Variants in VWC2L observed in about 807,000 individuals in gnomAD.
VWC2L encodes von Willebrand factor C domain containing 2 like.
A neutral mutation model predicts 21.6 loss-of-function variants in VWC2L; 10 were observed. The ratio of observed to expected loss-of-function variants is 0.46; its 90% CI spans 0.29 to 0.78. The LOEUF is 0.78. VWC2L is among the 30% of genes least tolerant of loss of function. VWC2L has a pLI of 0.10. For synonymous variants in VWC2L, 96 were observed against 94.3 expected, an observed-to-expected ratio of 1.02 and a Z score of -0.10; for missense variants, 209 against 277.1, an observed-to-expected ratio of 0.75 and a Z score of 1.74.
At chr2:214,487,944 G>C (rs1327831805) in intron 3 of VWC2L, among the ~76,000 whole-genome samples, 2 of 152,174 alleles carry the variant, frequency 1.3e-5, no homozygotes, top group Non-Finnish European at 2.9e-5. Context: ...AGGTTGATCA[G>C]CTTGCAACAA....
intron 3 of VWC2L, among the ~76,000 whole-genome samples, chr2:214,554,899 C>T (rs1443055540): frequency 6.6e-6 from 1 of 152,154 alleles, no homozygotes; most frequent in African/African-American, 2.4e-5. Context: ...TGCAAAATTG[C>T]CTCTTGTGGG....
At chr2:214,461,140 G>C (rs1703134540) in intron 3 of VWC2L, among the ~76,000 whole-genome samples, 1 of 152,224 alleles carries the variant, frequency 6.6e-6, no homozygotes, top group African/African-American at 2.4e-5. Context: ...TCAGGCCCCA[G>C]TCGTGGCAGC....
chr2:214,533,113 G>A (rs911997919), intron 3 of VWC2L, among the ~76,000 whole-genome samples: 8 of 151,852 alleles, frequency 5.3e-5, no homozygotes, highest in East Asian at 1.9e-4. Flanking sequence ...TATCTGATTC[G>A]TGGCTCTGCT....
At position 214,575,916 on chromosome 2, in the gene VWC2L, C is replaced by A; in HGVS notation, c.*96C>A. ...CAAAACAAAACAAACAAACTCCTGC[C>A]AGCTACAACAGGGTCACCAGCAAAA... On this transcript the variant is annotated 3_prime_UTR_variant, in exon 4 of 4. Coordinates refer to ENST00000312504, the MANE Select transcript of VWC2L (RefSeq NM_001080500.4). The A allele has an allele frequency of 7.2e-7, 1 of 1,395,124 alleles. No homozygotes were observed. Among genetic ancestry groups the A allele is most frequent in the Non-Finnish European group, 9.7e-7 (1 of 1,034,604 alleles). 86.4% of individuals were successfully genotyped at this position (1,395,124 alleles called of 1,614,324 possible).
chr2:214,442,648 T>C (rs1702777497), intron 3 of VWC2L, among the ~76,000 whole-genome samples: 1 of 151,930 alleles, frequency 6.6e-6, no homozygotes, highest in African/African-American at 2.4e-5. Context: ...TACAAATCTA[T>C]ATTTATAATT....
chr2:214,530,931 T>A (rs1689423659), intron 3 of VWC2L, among the ~76,000 whole-genome samples: 1 of 152,216 alleles, frequency 6.6e-6, no homozygotes, highest in Admixed American at 6.5e-5. Context: ...GCAATCGTGT[T>A]AGGATGAATA....
intron 3 of VWC2L, among the ~76,000 whole-genome samples, chr2:214,478,307 C>T (rs989558178): frequency 6.6e-5 from 10 of 151,988 alleles, no homozygotes; most frequent in East Asian, 1.9e-4. Flanking sequence ...GGTGAAACCC[C>T]GTCTCTATTA....
intron 3 of VWC2L, among the ~76,000 whole-genome samples, chr2:214,490,792 A>G (rs940566384): frequency 2.0e-5 from 3 of 152,214 alleles, no homozygotes; most frequent in Non-Finnish European, 4.4e-5. Context: ...TCAAGCTCTC[A>G]ATTGCTGCAT....
At chr2:214,516,868 C>G (rs1037206318) in intron 3 of VWC2L, among the ~76,000 whole-genome samples, 1 of 152,036 alleles carries the variant, frequency 6.6e-6, no homozygotes, top group Non-Finnish European at 1.5e-5. Flanking sequence ...TTTCCTCATA[C>G]GTAAAATGAA....
intron 3 of VWC2L, chr2:214,525,337 C>G (rs1276291319): frequency 6.6e-6 from 1 of 151,892 alleles, no homozygotes; most frequent in Admixed American, 6.6e-5. Flanking sequence ...TAGTTCATTC[C>G]CAAGGTAAGC....
chr2:214,527,065 C>A (rs1474122861), intron 3 of VWC2L, among the ~76,000 whole-genome samples: 1 of 152,006 alleles, frequency 6.6e-6, no homozygotes, highest in Admixed American at 6.6e-5. Flanking sequence ...TACTACACAG[C>A]CATAAAAAAG....
At chr2:214,422,349 T>C (rs1338911469) in intron 2 of VWC2L, among the ~76,000 whole-genome samples, 2 of 152,102 alleles carry the variant, frequency 1.3e-5, no homozygotes, top group African/African-American at 4.8e-5. Context: ...AGAGTGTTCT[T>C]ACTTTAAGAA....
At chr2:214,483,495 C>T (rs1370442529) in intron 3 of VWC2L, among the ~76,000 whole-genome samples, 1 of 151,952 alleles carries the variant, frequency 6.6e-6, no homozygotes, top group Non-Finnish European at 1.5e-5. Flanking sequence ...AGTTGGTACC[C>T]AGAATATCAG....
intron 3 of VWC2L, among the ~76,000 whole-genome samples, chr2:214,494,852 C>A (rs1411870480): frequency 6.6e-6 from 1 of 151,610 alleles, no homozygotes; most frequent in East Asian, 1.9e-4. Flanking sequence ...GGGCACACTT[C>A]ACTTATGGTA....
At chr2:214,534,703 G>A (rs922982302) in intron 3 of VWC2L, among the ~76,000 whole-genome samples, 1 of 152,046 alleles carries the variant, frequency 6.6e-6, no homozygotes, top group Non-Finnish European at 1.5e-5. Context: ...TTAAGTTCTG[G>A]TTCTTCTGTG....
intron 3 of VWC2L, among the ~76,000 whole-genome samples, chr2:214,528,967 C>T (rs1284789300): frequency 6.6e-6 from 1 of 152,108 alleles, no homozygotes; most frequent in Non-Finnish European, 1.5e-5. Context: ...ATTATTTTCA[C>T]CTACAAAAAT....
chr2:214,469,981 G>C (rs765408843), intron 3 of VWC2L, among the ~76,000 whole-genome samples: 2 of 152,074 alleles, frequency 1.3e-5, no homozygotes, highest in Non-Finnish European at 2.9e-5. Context: ...CCATTGGAAA[G>C]AGAAGAAATT....
intron 3 of VWC2L, among the ~76,000 whole-genome samples, chr2:214,515,952 C>G (rs1689134972): frequency 6.6e-6 from 1 of 152,286 alleles, no homozygotes; most frequent in East Asian, 1.9e-4. Context: ...CTTTCTACCT[C>G]TTTATGCTGC....
chr2:214,422,078 C>T (rs1165943737), intron 2 of VWC2L, among the ~76,000 whole-genome samples: 1 of 150,646 alleles, frequency 6.6e-6, no homozygotes, highest in African/African-American at 2.4e-5. Context: ...TTAGTAGAGA[C>T]GGGGTTTCAC....
Sources: allele counts gnomAD v4.1 joint callset (sites outside exome capture counted in the v4.1 genomes callset), GRCh38; gene constraint gnomAD v4.1.1; transcripts MANE v1.5; gene names NCBI Gene and HGNC (gene_info 2026-07-23, HGNC 2026-07-21).